The following ZFPM2 variants were observed in gnomAD, a reference collection of about 807,000 sequenced individuals.
The protein encoded by ZFPM2 is zinc finger protein ZFPM2.
A neutral mutation model predicts 98.6 loss-of-function variants in ZFPM2; 20 were observed. The observed-to-expected ratio is 0.20, with a 90% CI of 0.14 to 0.29. The LOEUF (loss-of-function observed/expected upper bound fraction) is 0.29. Ranked by LOEUF, ZFPM2 falls within the 10% of genes least tolerant of loss-of-function variation. The pLI is 1.00. For missense variants in ZFPM2, 1,310 were observed against 1,388.6 expected (o/e 0.94, Z 0.90); for synonymous variants, 518 against 502.7 (o/e 1.03, Z -0.41).
At chr8:105,762,035 T>C (rs1298506282) in intron 5 of ZFPM2, among the ~76,000 whole-genome samples, 1 of 151,966 alleles carries the variant, frequency 6.6e-6, no homozygotes, top group Non-Finnish European at 1.5e-5. Context: ...TGTTAATTCA[T>C]AGCATAAGTT....
chr8:105,485,705 A>G lies in ZFPM2; in HGVS notation c.301+41324A>G, dbSNP rs1056470158. ...TAAAAGAAGCTGTAGGACTTTGTTA[A>G]AGATTTCAAGAGCAAAGACAGATAA... is the stretch of plus-strand genomic sequence containing the variant. On this transcript the variant is annotated intron_variant, in intron 3 of 7. Transcript: ENST00000407775. 5.3e-5 allele frequency among the ~76,000 whole-genome samples: 8 copies of G among 152,296 alleles called. No homozygotes were observed. The East Asian group carries it at 1.2e-3, about 22-fold the overall frequency.
At chr8:105,706,558 A>C (rs149100863) in intron 5 of ZFPM2, among the ~76,000 whole-genome samples, 315 of 152,122 alleles carry the variant, frequency 2.1e-3, no homozygotes, top group African/African-American at 6.9e-3. Flanking sequence ...AAAAGTAAAT[A>C]ACTGATGATT....
chr8:105,422,168 T>C (rs1337616063), intron 2 of ZFPM2, among the ~76,000 whole-genome samples: 2 of 151,740 alleles, frequency 1.3e-5, no homozygotes, highest in Non-Finnish European at 2.9e-5. Context: ...CCGGGCGCGA[T>C]GGCTGACGCC....
chr8:105,775,456 TGGA>T (rs1209343594), intron 5 of ZFPM2, among the ~76,000 whole-genome samples: 1 of 152,174 alleles, frequency 6.6e-6, no homozygotes, highest in Non-Finnish European at 1.5e-5. Flanking sequence ...TGTATTTTGG[TGGA>T]GATTTCCTCC....
intron 4 of ZFPM2, among the ~76,000 whole-genome samples, chr8:105,584,555 C>G (rs1216679290): frequency 6.6e-6 from 1 of 152,182 alleles, no homozygotes; most frequent in Non-Finnish European, 1.5e-5. Flanking sequence ...AACCCTCTAT[C>G]TCCTAGTACT....
chr8:105,547,473 C>T (rs1316987155), intron 3 of ZFPM2, among the ~76,000 whole-genome samples: 5 of 124,186 alleles, frequency 4.0e-5, no homozygotes, highest in Admixed American at 2.0e-4. Flanking sequence ...ACCCGGGAGG[C>T]GGAGGTTGCA....
At chr8:105,406,273 T>C (rs1811456654) in intron 1 of ZFPM2, among the ~76,000 whole-genome samples, 1 of 152,088 alleles carries the variant, frequency 6.6e-6, no homozygotes, top group Non-Finnish European at 1.5e-5. Flanking sequence ...AGAAGCTCTT[T>C]AGTTTAATTA....
chr8:105,330,609 T>C lies in ZFPM2; in HGVS notation c.40+11628T>C, dbSNP rs866568264. On this transcript the variant is annotated intron_variant, in intron 1 of 7. Transcript: ENST00000407775. ...ATATATATATACATATATATATATA[T>C]ACACATATATATATATATATATACA... 9.0e-4 allele frequency among the ~76,000 whole-genome samples: 51 copies of C among 56,852 alleles called. 1 individual carries two copies. The highest frequency in any genetic ancestry group is 2.0e-3 in the Admixed American group (13 of 6,596). The allele number at this position is 56,852 out of a possible 152,430, so 37.3% of individuals were successfully genotyped here. A position where few individuals can be genotyped will look rare whatever the true frequency, so the allele number is the denominator to read the frequency against.
chr8:105,522,429 T>C (rs1464593779), intron 3 of ZFPM2, among the ~76,000 whole-genome samples: 1 of 152,220 alleles, frequency 6.6e-6, no homozygotes, highest in African/African-American at 2.4e-5. Flanking sequence ...TTGTGATTTA[T>C]AAATCAGCAG....
rs1811960939 is a variant in ZFPM2 at position 105,318,867 on chromosome 8, G to GCGGCGGGAC, written c.-67_-66insCCGGCGGGA. 1.2e-6 allele frequency: 1 copy of GCGGCGGGAC among 840,668 alleles called. No homozygotes were observed. 52.1% of individuals were successfully genotyped at this position (840,668 alleles called of 1,614,324 possible). On this transcript the variant is annotated 5_prime_UTR_variant, in exon 1 of 8. Coordinates refer to ENST00000407775, the MANE Select transcript of ZFPM2 (RefSeq NM_012082.4). ...GCCAGCGGCGGCGGCGGCGGCGGCG[G>GCGGCGGGAC]CGGCGGGAGCCGAGGGAGCGGCAGC...
At chr8:105,540,046 C>T (rs527315642) in intron 3 of ZFPM2, among the ~76,000 whole-genome samples, 77 of 152,162 alleles carry the variant, frequency 5.1e-4, no homozygotes, top group African/African-American at 1.7e-3. Flanking sequence ...ATATCCAGAT[C>T]CTTTGTTTTT....
chr8:105,431,449 A>G (rs1294696708), intron 2 of ZFPM2, among the ~76,000 whole-genome samples: 5 of 152,344 alleles, frequency 3.3e-5, no homozygotes, highest in East Asian at 1.9e-4. Context: ...AACACCTGCT[A>G]TGTCAGACAT....
chr8:105,569,191 C>A (rs1411521370), intron 4 of ZFPM2, among the ~76,000 whole-genome samples: 1 of 152,206 alleles, frequency 6.6e-6, no homozygotes, highest in Non-Finnish European at 1.5e-5. Context: ...ATCTCCCCTG[C>A]AGACCATATG....
At chr8:105,763,308 G>A (rs866587270) in intron 5 of ZFPM2, among the ~76,000 whole-genome samples, 12 of 151,622 alleles carry the variant, frequency 7.9e-5, no homozygotes, top group African/African-American at 2.9e-4. Flanking sequence ...AGCTATACAG[G>A]ACCAATCTCC....
At chr8:105,664,335 G>T (rs1376786225) in intron 5 of ZFPM2, among the ~76,000 whole-genome samples, 4 of 151,332 alleles carry the variant, frequency 2.6e-5, no homozygotes, top group Admixed American at 6.6e-5. Flanking sequence ...GTGTGTGTGT[G>T]TGTGTGTGTG....
intron 3 of ZFPM2, among the ~76,000 whole-genome samples, chr8:105,475,189 T>C (rs1812987748): frequency 1.3e-5 from 2 of 152,222 alleles, no homozygotes; most frequent in Admixed American, 6.5e-5. Flanking sequence ...TCACTTCTAC[T>C]AAGTCATTTT....
chr8:105,443,077 G>A (rs549169182), intron 2 of ZFPM2, among the ~76,000 whole-genome samples: 1 of 152,124 alleles, frequency 6.6e-6, no homozygotes, highest in African/African-American at 2.4e-5. Context: ...GGGAGGCCGA[G>A]GCAGGTGGAT....
chr8:105,517,151 C>T (rs974491852), intron 3 of ZFPM2, among the ~76,000 whole-genome samples: 2 of 152,090 alleles, frequency 1.3e-5, no homozygotes, highest in African/African-American at 4.8e-5. Context: ...AAGCTTGTTC[C>T]GATATTTTCA....
intron 4 of ZFPM2, among the ~76,000 whole-genome samples, chr8:105,629,621 A>G (rs1816720426): frequency 6.6e-6 from 1 of 152,142 alleles, no homozygotes; most frequent in Non-Finnish European, 1.5e-5. Flanking sequence ...AGTCTTCCTG[A>G]TGCATTCCTT....
Sources: gnomAD v4.1 joint callset for allele counts (sites outside exome capture counted in the v4.1 genomes callset) on GRCh38, gnomAD v4.1.1 for gene constraint, MANE v1.5 for transcripts, NCBI Gene and HGNC (gene_info 2026-07-23, HGNC 2026-07-21) for gene names.